The following SNX29 variants were observed in gnomAD, a reference collection of about 807,000 sequenced individuals.
SNX29 encodes sorting nexin 29.
A neutral mutation model predicts 102.1 loss-of-function variants in SNX29; 78 were observed. The ratio of observed to expected loss-of-function variants is 0.76; its 90% confidence interval spans 0.64 to 0.92. SNX29 has a LOEUF of 0.92. Ranked by LOEUF, SNX29 falls within the 40% of genes least tolerant of loss-of-function variation. The probability of loss-of-function intolerance (pLI) is 0.00; values close to 1 mark genes in which losing one functional copy is unlikely to be tolerated. For synonymous variants in SNX29, 580 were observed against 414.5 expected (o/e 1.40, Z -4.85); for missense variants, 1,280 against 1,061.7 (o/e 1.21, Z -2.86).
chr16:12,327,811 C>T (rs1567442533), intron 15 of SNX29, among the ~76,000 whole-genome samples: 1 of 152,096 alleles, frequency 6.6e-6, no homozygotes, highest in Non-Finnish European at 1.5e-5. Flanking sequence ...ATTGGGTCCC[C>T]TGTTGAGGTC....
At chr16:12,511,774 C>A (rs148071435) in intron 19 of SNX29, among the ~76,000 whole-genome samples, 196 of 152,214 alleles carry the variant, frequency 1.3e-3, no homozygotes, top group African/African-American at 4.4e-3. Flanking sequence ...GTCATCCCCC[C>A]TCCCCCGCAA....
intron 13 of SNX29, among the ~76,000 whole-genome samples, chr16:12,155,673 C>T (rs1162649624): frequency 6.6e-6 from 1 of 152,062 alleles, no homozygotes; most frequent in Non-Finnish European, 1.5e-5. Flanking sequence ...TGGTGGCATG[C>T]CGAGATGGAA....
chr16:12,420,815 A>G (rs1013431322), intron 18 of SNX29, among the ~76,000 whole-genome samples: 4 of 152,190 alleles, frequency 2.6e-5, no homozygotes, highest in African/African-American at 7.2e-5. Context: ...CAGGGTGAAC[A>G]CTGATAGTCT....
chr16:12,382,475 A>T (rs2083202951), intron 16 of SNX29, among the ~76,000 whole-genome samples: 1 of 152,118 alleles, frequency 6.6e-6, no homozygotes. Context: ...CTATTTCCCC[A>T]TCAGTAAAAT....
intron 14 of SNX29, among the ~76,000 whole-genome samples, chr16:12,205,208 A>T (rs547879890): frequency 1.3e-5 from 2 of 152,110 alleles, no homozygotes; most frequent in Non-Finnish European, 2.9e-5. Context: ...CTTCTGAACC[A>T]TTGCAGGCAT....
intron 13 of SNX29, among the ~76,000 whole-genome samples, chr16:12,154,147 G>A (rs916324778): frequency 2.0e-5 from 3 of 151,638 alleles, no homozygotes; most frequent in African/African-American, 4.9e-5. Flanking sequence ...CCTCCCCACC[G>A]ACCCCACCTC....
rs1272569594 is a variant in SNX29 at position 12,398,427 on chromosome 16, C to T, written c.1900-19C>T. 4 of 1,613,764 alleles carry T rather than the reference C, an allele frequency of 2.5e-6. No homozygotes were observed. Among genetic ancestry groups the T allele is most frequent in the African/African-American group, 1.3e-5 (1 of 74,910 alleles). On this transcript the variant is annotated intron_variant, in intron 16 of 20. Coordinates refer to ENST00000566228, the MANE Select transcript of SNX29 (RefSeq NM_032167.5). ...CATTATGCATTTTTTCTCCCCTCTCCCCCTTCTCCTGATGGTAGGTGCCTG... is the reference window on the plus strand; with the variant it reads ...CATTATGCATTTTTTCTCCCCTCTCTCCCTTCTCCTGATGGTAGGTGCCTG...
chr16:12,452,319 G>T lies in SNX29; in HGVS notation c.2038-25400G>T, dbSNP rs149647938. Among the ~76,000 whole-genome samples, 8 of 22,918 alleles carry T rather than the reference G, an allele frequency of 3.5e-4. No homozygotes were observed. In the East Asian group the frequency reaches 5.8e-3, roughly 17 times the overall value. 15.0% of individuals were successfully genotyped at this position (22,918 alleles called of 152,430 possible). ...CTGCTACTGGCATCTCATGGGTGCA[G>T]GCTAGGGATGCAGTGGAATGTCTCA... On this transcript the variant is annotated intron_variant, in intron 18 of 20. Transcript: ENST00000566228.
intron 14 of SNX29, among the ~76,000 whole-genome samples, chr16:12,237,259 C>T (rs1459475051): frequency 6.6e-6 from 1 of 152,168 alleles, no homozygotes; most frequent in Non-Finnish European, 1.5e-5. Flanking sequence ...AGCGGTGTTT[C>T]CTCTCATGCA....
At chr16:12,549,446 GATTGCACC>G (rs2077822484) in intron 20 of SNX29, among the ~76,000 whole-genome samples, 1 of 152,176 alleles carries the variant, frequency 6.6e-6, no homozygotes. Context: ...AGTGACCTAA[GATTGCACC>G]ATTGAACTCC....
At position 12,549,648 on chromosome 16, in the gene SNX29, G is replaced by T. The variant is rs1346341139; in HGVS notation, c.2319-18858G>T. Among the ~76,000 whole-genome samples, 5 of 152,224 alleles carry T rather than the reference G, an allele frequency of 3.3e-5. No individual in the cohort carries two copies. The East Asian group carries it at 7.7e-4, about 23-fold the overall frequency. On this transcript the variant is annotated intron_variant, in intron 20 of 20. Coordinates refer to ENST00000566228, the MANE Select transcript of SNX29 (RefSeq NM_032167.5). ...ACGCTCTGTAAAGAGCATAGCTGCCGAAACCAGCTTGAGGCAGTCCCAAGG... is the reference window on the plus strand; with the variant it reads ...ACGCTCTGTAAAGAGCATAGCTGCCTAAACCAGCTTGAGGCAGTCCCAAGG...
intron 19 of SNX29, among the ~76,000 whole-genome samples, chr16:12,508,344 G>T (rs548371103): frequency 1.3e-5 from 2 of 152,198 alleles, no homozygotes; most frequent in Non-Finnish European, 2.9e-5. Context: ...AGCATGGACC[G>T]GTGTCACCTC....
rs145151424 is a variant in SNX29, at chr16:12,540,477, C to G, written c.2318+15636C>G. Reference sequence around the variant, plus strand: ...GAGATCCGTCTTACTAGGCTACAGTCAAGGTGTCGGCAGGGCTGGCGCCTT... The same window carrying G: ...GAGATCCGTCTTACTAGGCTACAGTGAAGGTGTCGGCAGGGCTGGCGCCTT... On this transcript the variant is annotated intron_variant, in intron 20 of 20. Coordinates refer to ENST00000566228, the MANE Select transcript of SNX29 (RefSeq NM_032167.5). Among the ~76,000 whole-genome samples, 1,223 of 152,328 alleles carry G rather than the reference C, an allele frequency of 8.0e-3. 8 individuals carry two copies. Among genetic ancestry groups the G allele is most frequent in the Non-Finnish European group, 0.013 (898 of 68,034 alleles).
At position 12,231,480 on chromosome 16, in the gene SNX29, C is replaced by G. The variant is rs118138937; in HGVS notation, c.1678+31797C>G. On this transcript the variant is annotated intron_variant, in intron 14 of 20. Transcript: ENST00000566228. ...AATTTGTAACAACTGTGTGATATTC[C>G]AGCTAGTGGATAGACCAGAGTTTTA... Among the ~76,000 whole-genome samples, 1,030 of 151,918 alleles carry G rather than the reference C, an allele frequency of 6.8e-3. 3 individuals carry two copies. Among genetic ancestry groups the G allele is most frequent in the Non-Finnish European group, 9.5e-3 (648 of 67,980 alleles).
At chr16:12,120,533 C>T (rs994996018) in intron 11 of SNX29, among the ~76,000 whole-genome samples, 1 of 152,168 alleles carries the variant, frequency 6.6e-6, no homozygotes, top group Non-Finnish European at 1.5e-5. Context: ...TAATTCCCCC[C>T]CTGGGGGCCT....
At chr16:12,060,716 G>A (rs555883803) in intron 8 of SNX29, 4 of 454,506 alleles carry the variant, frequency 8.8e-6, no homozygotes, top group South Asian at 6.2e-5. Flanking sequence ...AATACCTCCA[G>A]GTATTTATTA....
At position 12,174,808 on chromosome 16, in the gene SNX29, A is replaced by G. The variant is rs540057862; in HGVS notation, c.1596-24793A>G. Among the ~76,000 whole-genome samples the G allele has an allele frequency of 7.2e-5, 11 of 152,282 alleles. 1 individual carries two copies. The South Asian group carries it at 2.1e-3, about 29-fold the overall frequency. On this transcript the variant is annotated intron_variant, in intron 13 of 20. Coordinates refer to ENST00000566228, the MANE Select transcript of SNX29 (RefSeq NM_032167.5). The stretch of plus-strand genomic sequence containing the variant: ...CCATGTGGCTTGTTTGAAAGTTGCT[A>G]AGCTCTCCCCTCCTCTTAGTAATAA...
At chr16:12,390,569 T>C (rs2083495393) in intron 16 of SNX29, among the ~76,000 whole-genome samples, 1 of 152,154 alleles carries the variant, frequency 6.6e-6, no homozygotes, top group Admixed American at 6.5e-5. Context: ...GGAATAAACG[T>C]ATGCATAACT....
chr16:12,489,771 C>G, intron 19 of SNX29, among the ~76,000 whole-genome samples: 1 of 152,134 alleles, frequency 6.6e-6, no homozygotes, highest in East Asian at 1.9e-4. Flanking sequence ...CTTCTTCCTC[C>G]CCCGTTCACT....
Sources: allele counts gnomAD v4.1 joint callset (sites outside exome capture counted in the v4.1 genomes callset), GRCh38; gene constraint gnomAD v4.1.1; transcripts MANE v1.5; gene names NCBI Gene and HGNC (gene_info 2026-07-23, HGNC 2026-07-21).